SLC1A1: variants seen among roughly 807,000 people sequenced by gnomAD.
The protein encoded by SLC1A1 is excitatory amino acid transporter 3.
SLC1A1 carries 43 observed loss-of-function variants against 53.3 expected under a neutral mutation model. The ratio of observed to expected loss-of-function variants is 0.81; its 90% CI spans 0.63 to 1.04. The LOEUF is 1.04. Ranked by LOEUF, SLC1A1 falls within the 50% of genes least tolerant of loss-of-function variation. The pLI, the probability that SLC1A1 is intolerant of heterozygous loss-of-function variation, is 0.00. For missense variants in SLC1A1, 748 were observed against 664.9 expected (o/e 1.12, Z -1.37); for synonymous variants, 307 against 243.2 (o/e 1.26, Z -2.44).
intron 1 of SLC1A1, among the ~76,000 whole-genome samples, chr9:4,516,326 G>A (rs1289626458): frequency 6.6e-6 from 1 of 152,174 alleles, no homozygotes; most frequent in Non-Finnish European, 1.5e-5. Context: ...TTTAATTTGA[G>A]CAAGCAGTTG....
intron 1 of SLC1A1, among the ~76,000 whole-genome samples, chr9:4,531,472 C>G (rs1816466553): frequency 6.6e-6 from 1 of 152,176 alleles, no homozygotes; most frequent in Admixed American, 6.5e-5. Context: ...GCACAGCAGT[C>G]TGAGATCAAA....
intron 1 of SLC1A1, among the ~76,000 whole-genome samples, chr9:4,513,626 C>G (rs905862141): frequency 5.9e-5 from 9 of 152,122 alleles, no homozygotes; most frequent in Admixed American, 5.9e-4. Context: ...TACAGCCACT[C>G]TAAAAAACAA....
chr9:4,496,779 C>G (rs976869058), intron 1 of SLC1A1, among the ~76,000 whole-genome samples: 3 of 152,026 alleles, frequency 2.0e-5, no homozygotes, highest in African/African-American at 7.2e-5. Flanking sequence ...TGCCTGTGGC[C>G]CCAACTACTC....
rs151011035 is a variant in SLC1A1 at position 4,583,146 on chromosome 9, C to G, written c.1302C>G (p.Thr434=). The part of the protein sequence containing the change: ...SAVGLPAEDV[T]LIIAVDWLLD... The stretch of plus-strand genomic sequence containing the variant: ...TGGGCCTGCCCGCCGAGGATGTCAC[C>G]CTGATCATTGCTGTCGACTGGCTCC... The change falls in exon 11 of 12, where the codon ACC becomes ACG. Residue 434 remains threonine, a synonymous_variant. Coordinates refer to ENST00000262352, the MANE Select transcript of SLC1A1 (RefSeq NM_004170.6). The surrounding 1 kb of genome is among the most constrained non-coding windows in gnomAD (Gnocchi z 4.6). The G allele has an allele frequency of 1.5e-5, 25 of 1,614,212 alleles. No homozygotes were observed. The East Asian group carries it at 5.6e-4, about 36-fold the overall frequency.
intron 1 of SLC1A1, among the ~76,000 whole-genome samples, chr9:4,495,838 A>T (rs1820395528): frequency 6.6e-6 from 1 of 152,170 alleles, no homozygotes; most frequent in African/African-American, 2.4e-5. Flanking sequence ...GATTTGGTCC[A>T]AGGGAGAAGG....
intron 1 of SLC1A1, among the ~76,000 whole-genome samples, chr9:4,528,262 G>A (rs1465239271): frequency 6.6e-6 from 1 of 151,056 alleles, no homozygotes; most frequent in Non-Finnish European, 1.5e-5. Context: ...GAGGACTGGA[G>A]TTTGATTTTA....
intron 1 of SLC1A1, among the ~76,000 whole-genome samples, chr9:4,500,210 G>C (rs574568319): frequency 6.6e-6 from 1 of 152,124 alleles, no homozygotes; most frequent in African/African-American, 2.4e-5. Flanking sequence ...AAGCACTCTC[G>C]AAGAAAATGA....
chr9:4,578,631 A>C (rs1820783555), intron 10 of SLC1A1, among the ~76,000 whole-genome samples: 1 of 152,248 alleles, frequency 6.6e-6, no homozygotes, highest in Non-Finnish European at 1.5e-5. Context: ...CCACAGAGTC[A>C]GAAGCTGCAG....
At chr9:4,519,737 T>G (rs1815998969) in intron 1 of SLC1A1, among the ~76,000 whole-genome samples, 1 of 152,164 alleles carries the variant, frequency 6.6e-6, no homozygotes, top group Admixed American at 6.5e-5. Context: ...GTAACTTATG[T>G]AAGGTCACAC....
At chr9:4,562,065 CTTTTT>C (rs745615028) in intron 3 of SLC1A1, among the ~76,000 whole-genome samples, 8 of 94,288 alleles carry the variant, frequency 8.5e-5, no homozygotes, top group Admixed American at 2.7e-4. Context: ...GCCCTAACTA[CTTTTT>C]TTTTTTTTTT....
chr9:4,499,208 C>T lies in SLC1A1; in HGVS notation c.91+8438C>T, dbSNP rs145724164. ...TACAGGTGCCCACCACCACACCCAG[C>T]GAATTTTTGTATTTTTAGTAGAGAC... On this transcript the variant is annotated intron_variant, in intron 1 of 11. Transcript: ENST00000262352. Among the ~76,000 whole-genome samples the T allele has an allele frequency of 2.6e-3, 392 of 151,622 alleles. 1 individual carries two copies. The highest frequency in any genetic ancestry group is 4.4e-3 in the Non-Finnish European group (302 of 67,908).
chr9:4,502,923 T>A (rs888938510), intron 1 of SLC1A1, among the ~76,000 whole-genome samples: 6 of 151,884 alleles, frequency 4.0e-5, no homozygotes, highest in Admixed American at 3.9e-4. Context: ...ACCTTCTGTT[T>A]GAGCTTGAAT....
chr9:4,574,162 G>A (rs929862539), intron 8 of SLC1A1, 148 bp downstream of exon 8: 80 of 704,004 alleles, frequency 1.1e-4, no homozygotes, highest in Non-Finnish European at 2.0e-4. Context: ...GGGGGAGGAG[G>A]GCTGCCCTTT....
intron 2 of SLC1A1, among the ~76,000 whole-genome samples, chr9:4,551,464 C>T (rs1817923348): frequency 6.6e-6 from 1 of 152,154 alleles, no homozygotes; most frequent in African/African-American, 2.4e-5. Flanking sequence ...TCCAGGAGTC[C>T]CTCGTTAGCA....
intron 7 of SLC1A1, 81 bp from the exon 8 acceptor site, chr9:4,573,826 C>A (rs766233452): frequency 4.2e-5 from 40 of 941,446 alleles, no homozygotes; most frequent in Non-Finnish European, 6.9e-5. Context: ...GGTGCCCACA[C>A]TGGAGTGTTC....
intron 6 of SLC1A1, among the ~76,000 whole-genome samples, chr9:4,569,921 A>C (rs1193194044): frequency 1.3e-5 from 2 of 152,232 alleles, no homozygotes; most frequent in African/African-American, 4.8e-5. Flanking sequence ...CCTCACACAA[A>C]GAATGATGAG....
chr9:4,535,747 C>T (rs1339888015), intron 1 of SLC1A1, among the ~76,000 whole-genome samples: 1 of 152,050 alleles, frequency 6.6e-6, no homozygotes, highest in Non-Finnish European at 1.5e-5. Context: ...GCCCACATTG[C>T]CAAGTCAATC....
chr9:4,503,237 C>T (rs1275249958), intron 1 of SLC1A1, among the ~76,000 whole-genome samples: 5 of 151,760 alleles, frequency 3.3e-5, no homozygotes, highest in Non-Finnish European at 5.9e-5. Flanking sequence ...TCAGAATCCT[C>T]GAAACTTTGC....
chr9:4,542,193 AG>A (rs2130874411), intron 1 of SLC1A1, among the ~76,000 whole-genome samples: 1 of 113,812 alleles, frequency 8.8e-6, no homozygotes, highest in African/African-American at 3.8e-5. Flanking sequence ...AGAGACACGG[AG>A]GGAGGGAGGA....
Sources: allele counts gnomAD v4.1 joint callset (sites outside exome capture counted in the v4.1 genomes callset), GRCh38; gene constraint gnomAD v4.1.1; non-coding constraint Gnocchi (gnomAD v3.1); transcripts MANE v1.5; gene names NCBI Gene and HGNC (gene_info 2026-07-23, HGNC 2026-07-21).